Variants in NDUFV2 observed in about 807,000 individuals in gnomAD.
The protein encoded by NDUFV2 is NADH:ubiquinone oxidoreductase core subunit V2, also known as NADH dehydrogenase [ubiquinone] flavoprotein 2, mitochondrial.
Under a neutral mutation model 31.6 loss-of-function variants are expected in NDUFV2, and 18 were observed. That is an observed-to-expected ratio of 0.57 (90% CI 0.39 to 0.84). The LOEUF is 0.84. NDUFV2 is among the 40% of genes least tolerant of loss of function. NDUFV2 has a pLI of 0.00. For missense variants in NDUFV2, 314 were observed against 303.6 expected (o/e 1.03, Z -0.26); for synonymous variants, 83 against 99.8 (o/e 0.83, Z 1.01).
At chr18:9,127,984 ATTACT>A (rs1314232832) in intron 7 of NDUFV2, among the ~76,000 whole-genome samples, 1 of 152,198 alleles carries the variant, frequency 6.6e-6, no homozygotes, top group East Asian at 1.9e-4. Context: ...TGTTACATTA[ATTACT>A]TTCCTTTCAG....
intron 4 of NDUFV2, 119 bp downstream of exon 4, chr18:9,119,709 A>G (rs1428650622): frequency 1.2e-6 from 1 of 846,324 alleles, no homozygotes; most frequent in African/African-American, 1.7e-5. Context: ...GGAGCCCTTT[A>G]GCCATTTGTA....
chr18:9,103,084 T>C (rs113536553), intron 1 of NDUFV2: 4 of 421,806 alleles, frequency 9.5e-6, no homozygotes, highest in African/African-American at 6.1e-5. Flanking sequence ...TTTGCTGTTT[T>C]GCTGTAGCGC....
At chr18:9,126,193 T>A (rs1264609897) in intron 6 of NDUFV2, among the ~76,000 whole-genome samples, 1 of 152,228 alleles carries the variant, frequency 6.6e-6, no homozygotes, top group Non-Finnish European at 1.5e-5. Context: ...ATTCTTTCAG[T>A]TAGCAGTAGT....
chr18:9,133,659 A>G (rs1482820945), intron 7 of NDUFV2: 1 of 153,278 alleles, frequency 6.5e-6, no homozygotes, highest in Non-Finnish European at 1.5e-5. Flanking sequence ...TTCCAAATAC[A>G]ATGTATAAGT....
At chr18:9,132,168 AT>A (rs1460527111) in intron 7 of NDUFV2, 4 of 152,202 alleles carry the variant, frequency 2.6e-5, no homozygotes, top group African/African-American at 9.7e-5. Context: ...TATTTTTAAA[AT>A]TACTTCCATA....
intron 2 of NDUFV2, among the ~76,000 whole-genome samples, chr18:9,118,815 G>GTTTTTTTTTTTTTTTTTTTTTTTTTTTT: frequency 2.6e-5 from 2 of 76,762 alleles, no homozygotes; most frequent in Non-Finnish European, 4.8e-5. Flanking sequence ...AGATGGTGCT[G>GTTTTTTTTTTTTTTTTTTTTTTTTTTTT]TTTTTTTTTT....
chr18:9,126,925 A>G lies in NDUFV2; in HGVS notation c.656+18A>G. ...GGGCCAAGGTATGCTTTATTTATAT[A>G]TAGGAAGTTTTAGTGGCTCACCTAA... On this transcript the variant is annotated intron_variant, in intron 7 of 7. Coordinates refer to ENST00000318388, the MANE Select transcript of NDUFV2 (RefSeq NM_021074.5). 1 of 1,601,984 alleles carries G rather than the reference A, an allele frequency of 6.2e-7. No individual in the cohort carries two copies.
In NDUFV2 at chr18:9,122,692, CATG is replaced by C. The variant is rs774602627; in HGVS notation, c.469+14_469+16del. ...TTCAGAAAAAGCTTGGTAGGGAATA[CATG>C]ATATTTGTAACACTGATAAAAAGTA... On this transcript the variant is annotated intron_variant, in intron 5 of 7. Coordinates refer to ENST00000318388, the MANE Select transcript of NDUFV2 (RefSeq NM_021074.5). 23 of 1,613,320 alleles carry C rather than the reference CATG, an allele frequency of 1.4e-5. No homozygotes were observed. The South Asian group carries it at 2.4e-4, about 17-fold the overall frequency.
chr18:9,110,567 G>A (rs1161917172), intron 1 of NDUFV2, among the ~76,000 whole-genome samples: 3 of 152,178 alleles, frequency 2.0e-5, no homozygotes, highest in African/African-American at 4.8e-5. Context: ...TGGGTGCAGT[G>A]CATGATCATG....
In NDUFV2 at chr18:9,102,748, T is replaced by A. The variant is rs2077820256; in HGVS notation, c.5T>A (p.Phe2Tyr). M[F>Y]FSAALRARAA... The stretch of plus-strand genomic sequence containing the variant: ...AGGTGAACAGTGTGGCCCGCCATGT[T>A]CTTCTCCGCGGCGCTCCGGGCCCGG... Residue 2 changes from phenylalanine to tyrosine, a missense_variant, in exon 1 of 8, where the codon TTC becomes TAC. Transcript: ENST00000318388. 2 of 1,576,042 alleles carry A rather than the reference T, an allele frequency of 1.3e-6. No individual in the cohort carries two copies. The highest frequency in any genetic ancestry group is 1.8e-5 in the Admixed American group (1 of 56,630).
chr18:9,103,854 A>G (rs2077827463), intron 1 of NDUFV2: 1 of 295,204 alleles, frequency 3.4e-6, no homozygotes, highest in Non-Finnish European at 6.4e-6. Flanking sequence ...TAATAATGAT[A>G]GTCATTTGAT....
In NDUFV2 at chr18:9,126,812, T is replaced by C; in HGVS notation, c.580-19T>C. The C allele has an allele frequency of 6.3e-7, 1 of 1,578,088 alleles. No individual in the cohort carries two copies. On this transcript the variant is annotated intron_variant, in intron 6 of 7. Transcript: ENST00000318388. ...AAAGAAAGTAATTTAAATATGACTA[T>C]TGTTAATTTTTTTTCCAGGAGGATT...
intron 7 of NDUFV2, 108 bp downstream of exon 7, chr18:9,127,015 A>C: frequency 1.1e-6 from 1 of 872,268 alleles, no homozygotes; most frequent in Non-Finnish European, 2.0e-6. Flanking sequence ...AATTGGTAGG[A>C]GCTTTGGATA....
At chr18:9,122,753 C>G in intron 5 of NDUFV2, 72 bp downstream of exon 5, 7 of 1,522,732 alleles carry the variant, frequency 4.6e-6, no homozygotes, top group Non-Finnish European at 3.6e-6. Context: ...ACATTTCTAT[C>G]TAAAATTTCC....
At chr18:9,132,879 ATAAT>A (rs2078051963) in intron 7 of NDUFV2, among the ~76,000 whole-genome samples, 1 of 152,126 alleles carries the variant, frequency 6.6e-6, no homozygotes, top group African/African-American at 2.4e-5. Flanking sequence ...TGTCTCAAAA[ATAAT>A]AAATAAATTT....
intron 1 of NDUFV2, chr18:9,103,021 G>A (rs914934695): frequency 2.0e-6 from 1 of 504,680 alleles, no homozygotes; most frequent in African/African-American, 2.0e-5. Context: ...TTTGGTCGAG[G>A]AGGACAGAAA....
chr18:9,120,289 T>G (rs2077925484), intron 4 of NDUFV2, among the ~76,000 whole-genome samples: 2 of 152,200 alleles, frequency 1.3e-5, no homozygotes, highest in Non-Finnish European at 2.9e-5. Flanking sequence ...ACATAACCAT[T>G]AAGCTGTGTT....
chr18:9,129,113 G>A (rs1243347029), intron 7 of NDUFV2, among the ~76,000 whole-genome samples: 2 of 152,144 alleles, frequency 1.3e-5, no homozygotes, highest in African/African-American at 4.8e-5. Context: ...GCTAATTTTT[G>A]TATTTTTAGT....
chr18:9,132,212 G>T (rs1335549565), intron 7 of NDUFV2: 1 of 152,086 alleles, frequency 6.6e-6, no homozygotes, highest in African/African-American at 2.4e-5. Context: ...AAGAACTCAG[G>T]AAGTACTTAC....
Sources: allele counts gnomAD v4.1 joint callset (sites outside exome capture counted in the v4.1 genomes callset), GRCh38; gene constraint gnomAD v4.1.1; transcripts MANE v1.5; gene names NCBI Gene and HGNC (gene_info 2026-07-23, HGNC 2026-07-21).